Variants in CDH13 observed in about 807,000 individuals in gnomAD.
CDH13 encodes the protein cadherin-13.
CDH13 carries 24 observed loss-of-function variants against 63.8 expected under a neutral mutation model. That is an observed-to-expected ratio of 0.38 (90% CI 0.27 to 0.53). CDH13 has a LOEUF of 0.53. Ranked by LOEUF, CDH13 falls within the 20% of genes least tolerant of loss-of-function variation. The probability of loss-of-function intolerance (pLI) is 0.85; values close to 1 mark genes in which losing one functional copy is unlikely to be tolerated. For missense variants in CDH13, 1,049 were observed against 903.1 expected (o/e 1.16, Z -2.07); for synonymous variants, 503 against 355.3 (o/e 1.42, Z -4.67).
chr16:82,926,776 TTTCATCTCAGCCATG>T (rs2042316071), intron 2 of CDH13, among the ~76,000 whole-genome samples: 1 of 152,204 alleles, frequency 6.6e-6, no homozygotes, highest in African/African-American at 2.4e-5. Context: ...AAACTGGGGT[TTTCATCTCAGCCATG>T]TTCATCCAGG....
intron 13 of CDH13, among the ~76,000 whole-genome samples, chr16:83,788,763 C>A (rs557750643): frequency 1.2e-4 from 18 of 152,320 alleles, no homozygotes; most frequent in African/African-American, 3.6e-4. Context: ...CTAAGGGGAG[C>A]CATCCCATCT....
At chr16:83,454,510 G>T (rs1208383310) in intron 6 of CDH13, among the ~76,000 whole-genome samples, 1 of 152,068 alleles carries the variant, frequency 6.6e-6, no homozygotes, top group South Asian at 2.1e-4. Flanking sequence ...TGCATTTAAT[G>T]TATCATAAGC....
chr16:83,554,524 A>AT (rs892883002), intron 7 of CDH13, among the ~76,000 whole-genome samples: 1 of 152,242 alleles, frequency 6.6e-6, no homozygotes, highest in Non-Finnish European at 1.5e-5. Flanking sequence ...TTATGTTAAA[A>AT]TTTTTTTTAA....
intron 2 of CDH13, among the ~76,000 whole-genome samples, chr16:83,005,712 T>C (rs1913420491): frequency 6.6e-6 from 1 of 152,252 alleles, no homozygotes. Flanking sequence ...TAATTGGTTC[T>C]CTGACTCCAA....
intron 5 of CDH13, among the ~76,000 whole-genome samples, chr16:83,244,636 ACT>A (rs1040588163): frequency 2.4e-4 from 36 of 151,674 alleles, no homozygotes; most frequent in African/African-American, 7.7e-4. Context: ...AGACTCATGG[ACT>A]CTACATCTAG....
At chr16:83,781,218 C>G (rs1002615144) in intron 12 of CDH13, among the ~76,000 whole-genome samples, 1 of 152,186 alleles carries the variant, frequency 6.6e-6, no homozygotes, top group Admixed American at 6.5e-5. Flanking sequence ...GACTGAAACA[C>G]CAACATATTA....
chr16:83,356,990 T>C (rs1015023527), intron 6 of CDH13, among the ~76,000 whole-genome samples: 9 of 152,222 alleles, frequency 5.9e-5, no homozygotes, highest in Admixed American at 3.3e-4. Flanking sequence ...CACTTTTCTT[T>C]AGTGTGTCAC....
chr16:83,660,149 G>A (rs540513887), intron 8 of CDH13, among the ~76,000 whole-genome samples: 2 of 152,218 alleles, frequency 1.3e-5, no homozygotes, highest in South Asian at 2.1e-4. Context: ...CACGGACCAG[G>A]ATTGCGGGGA....
At chr16:83,317,029 C>T (rs1017845914) in intron 5 of CDH13, among the ~76,000 whole-genome samples, 1 of 152,188 alleles carries the variant, frequency 6.6e-6, no homozygotes, top group Admixed American at 6.5e-5. Flanking sequence ...GATTATTTGG[C>T]AATGTCTGCA....
chr16:83,527,464 A>T (rs191396524), intron 7 of CDH13, among the ~76,000 whole-genome samples: 5 of 152,240 alleles, frequency 3.3e-5, no homozygotes, highest in Non-Finnish European at 5.9e-5. Context: ...AAAAAAAATT[A>T]AAAATTAAGA....
intron 2 of CDH13, among the ~76,000 whole-genome samples, chr16:82,910,084 C>T (rs1309660943): frequency 6.6e-6 from 1 of 152,174 alleles, no homozygotes; most frequent in African/African-American, 2.4e-5. Context: ...GTGTTCAATT[C>T]TCCACCCCTC....
chr16:82,986,792 G>T (rs950732892), intron 2 of CDH13, among the ~76,000 whole-genome samples: 2 of 152,106 alleles, frequency 1.3e-5, no homozygotes, highest in Non-Finnish European at 2.9e-5. Flanking sequence ...TACAAATACC[G>T]CAAATGGGTG....
intron 10 of CDH13, among the ~76,000 whole-genome samples, chr16:83,695,876 A>G (rs1171370370): frequency 6.6e-6 from 1 of 151,508 alleles, no homozygotes; most frequent in Non-Finnish European, 1.5e-5. Context: ...AAATCCAGAT[A>G]TATTTATGCC....
chr16:82,643,566 C>T (rs536918044), intron 1 of CDH13, among the ~76,000 whole-genome samples: 2 of 152,322 alleles, frequency 1.3e-5, no homozygotes, highest in South Asian at 2.1e-4. Flanking sequence ...TTTGGAACTG[C>T]AGGTCACCTT....
intron 2 of CDH13, among the ~76,000 whole-genome samples, chr16:82,957,646 C>T (rs1294978120): frequency 6.6e-6 from 1 of 152,196 alleles, no homozygotes; most frequent in Non-Finnish European, 1.5e-5. Flanking sequence ...CAGCTTTGGA[C>T]TCAGAAAGGT....
At chr16:82,803,307 A>G (rs1343229836) in intron 1 of CDH13, among the ~76,000 whole-genome samples, 7 of 152,186 alleles carry the variant, frequency 4.6e-5, no homozygotes, top group African/African-American at 7.2e-5. Context: ...GGGCAATTAT[A>G]TATTTTTGGA....
chr16:83,608,660 ATT>A (rs754678790), intron 8 of CDH13, among the ~76,000 whole-genome samples: 3,650 of 109,834 alleles, frequency 0.033, 176 homozygotes, highest in African/African-American at 0.11. Context: ...TAATTTTTGT[ATT>A]TTTTTTTTTT....
intron 2 of CDH13, among the ~76,000 whole-genome samples, chr16:83,015,724 A>ATATAG (rs1555562946): frequency 2.0e-5 from 1 of 49,096 alleles, no homozygotes; most frequent in East Asian, 7.9e-4. Flanking sequence ...TATATATATA[A>ATATAG]AGAAAAAGCA....
chr16:83,012,880 C>A (rs994431142), intron 2 of CDH13, among the ~76,000 whole-genome samples: 2 of 152,118 alleles, frequency 1.3e-5, no homozygotes, highest in African/African-American at 2.4e-5. Context: ...TATCTCCCAG[C>A]AGATTGTAAT....
Sources: allele counts gnomAD v4.1 joint callset (sites outside exome capture counted in the v4.1 genomes callset), GRCh38; gene constraint gnomAD v4.1.1; transcripts MANE v1.5; gene names NCBI Gene and HGNC (gene_info 2026-07-23, HGNC 2026-07-21).